The following SGCD variants were observed in gnomAD, a reference collection of about 807,000 sequenced individuals.
The protein encoded by SGCD is delta-sarcoglycan.
In SGCD, 18 loss-of-function variants were observed where a neutral mutation model predicts 36.6. The ratio of observed to expected loss-of-function variants is 0.49; its 90% CI spans 0.34 to 0.73. SGCD has a LOEUF of 0.73. Ranked by LOEUF, SGCD falls within the 30% of genes least tolerant of loss-of-function variation. SGCD has a pLI of 0.01. For missense variants in SGCD, 387 were observed against 346.7 expected (o/e 1.12, Z -0.92); for synonymous variants, 133 against 130.6 (o/e 1.02, Z -0.12).
chr5:155,968,338 C>A (rs73810379), intron 1 of SGCD, among the ~76,000 whole-genome samples: 1 of 152,022 alleles, frequency 6.6e-6, no homozygotes, highest in African/African-American at 2.4e-5. Flanking sequence ...AGATACTTAT[C>A]GTTTTAGTCA....
chr5:156,071,690 A>G (rs867361914), intron 1 of SGCD, among the ~76,000 whole-genome samples: 35 of 152,176 alleles, frequency 2.3e-4, no homozygotes, highest in African/African-American at 6.3e-4. Flanking sequence ...TATCCTTGTT[A>G]ACTTTCTGTC....
At chr5:156,087,091 G>A (rs1202027800) in intron 1 of SGCD, among the ~76,000 whole-genome samples, 2 of 152,184 alleles carry the variant, frequency 1.3e-5, no homozygotes, top group Non-Finnish European at 2.9e-5. Context: ...AACAGTAGTA[G>A]GATCCACAGC....
At chr5:156,010,004 T>C (rs1339657639) in intron 1 of SGCD, among the ~76,000 whole-genome samples, 2 of 152,230 alleles carry the variant, frequency 1.3e-5, no homozygotes, top group African/African-American at 4.8e-5. Flanking sequence ...GATCTTGCTT[T>C]GCTCAAGTTC....
chr5:156,224,241 C>A (rs547569415), intron 3 of SGCD, among the ~76,000 whole-genome samples: 2 of 151,920 alleles, frequency 1.3e-5, no homozygotes, highest in Non-Finnish European at 2.9e-5. Flanking sequence ...AGTATTCAGT[C>A]CTATTCTCTC....
At chr5:155,972,559 G>T (rs1006653657) in intron 1 of SGCD, among the ~76,000 whole-genome samples, 1 of 152,134 alleles carries the variant, frequency 6.6e-6, no homozygotes, top group African/African-American at 2.4e-5. Flanking sequence ...GTTAGTAAAT[G>T]TTCATGATAT....
intron 3 of SGCD, among the ~76,000 whole-genome samples, chr5:156,291,957 C>T (rs377210820): frequency 2.4e-4 from 37 of 152,174 alleles, no homozygotes; most frequent in Middle Eastern, 3.4e-3. Context: ...CTTATTCCTT[C>T]TGTTTAACTG....
At chr5:155,864,516 C>CT in the SGCD span, among the ~76,000 whole-genome samples, 1 of 151,844 alleles carries the variant, frequency 6.6e-6, no homozygotes, top group African/African-American at 2.4e-5. Context: ...AAAAGGAGGG[C>CT]TAGGTTATTG....
At chr5:156,422,797 T>C (rs1773378878) in intron 3 of SGCD, among the ~76,000 whole-genome samples, 1 of 151,990 alleles carries the variant, frequency 6.6e-6, no homozygotes. Flanking sequence ...ATAACCAAAA[T>C]TGTCTTCAGA....
At chr5:156,581,810 T>C (rs1046494933) in intron 4 of SGCD, among the ~76,000 whole-genome samples, 3 of 152,204 alleles carry the variant, frequency 2.0e-5, no homozygotes, top group African/African-American at 7.2e-5. Context: ...GGTCCTGTTT[T>C]TCCAGGTACC....
At chr5:156,375,410 T>C (rs918765156) in intron 3 of SGCD, among the ~76,000 whole-genome samples, 8 of 149,330 alleles carry the variant, frequency 5.4e-5, no homozygotes, top group Non-Finnish European at 1.2e-4. Context: ...TTTTTTTTTT[T>C]TTTTTTTAAA....
chr5:156,178,071 A>G (rs1205972467), intron 3 of SGCD, among the ~76,000 whole-genome samples: 1 of 152,216 alleles, frequency 6.6e-6, no homozygotes, highest in Non-Finnish European at 1.5e-5. Context: ...GAATGATCTA[A>G]CAGAAAGCCT....
chr5:155,734,301 G>C, the SGCD span, among the ~76,000 whole-genome samples: 1 of 151,486 alleles, frequency 6.6e-6, no homozygotes, highest in Admixed American at 6.6e-5. Context: ...CACCTCCTGG[G>C]TCAAACCATC....
At chr5:156,269,469 C>CAAAAAAAAAA (rs60893052) in intron 3 of SGCD, among the ~76,000 whole-genome samples, 3 of 30,474 alleles carry the variant, frequency 9.8e-5, no homozygotes, top group Non-Finnish European at 1.2e-4. Context: ...GACTCCGTCT[C>CAAAAAAAAAA]AAAAAAAAAA....
upstream of SGCD, among the ~76,000 whole-genome samples, chr5:156,323,986 G>A (rs148275162): frequency 6.6e-5 from 10 of 152,254 alleles, no homozygotes; most frequent in East Asian, 1.3e-3. Context: ...ATTATTTCAC[G>A]TAATCCTCAT....
At chr5:156,584,118 T>G (rs1210031330) in intron 4 of SGCD, among the ~76,000 whole-genome samples, 1 of 152,226 alleles carries the variant, frequency 6.6e-6, no homozygotes, top group East Asian at 1.9e-4. Context: ...ATGGGCAATA[T>G]TAAATTTTTC....
chr5:156,240,707 G>T (rs1765284783), intron 3 of SGCD, among the ~76,000 whole-genome samples: 1 of 152,028 alleles, frequency 6.6e-6, no homozygotes, highest in Admixed American at 6.5e-5. Flanking sequence ...AAAAAAAAAT[G>T]GGCCATATGT....
chr5:155,980,197 A>G (rs1758197274), intron 1 of SGCD, among the ~76,000 whole-genome samples: 1 of 152,062 alleles, frequency 6.6e-6, no homozygotes, highest in Non-Finnish European at 1.5e-5. Flanking sequence ...TTTATAAAGC[A>G]CTTGTTTATG....
intron 1 of SGCD, among the ~76,000 whole-genome samples, chr5:156,020,036 G>A (rs372722734): frequency 9.2e-5 from 14 of 152,064 alleles, no homozygotes; most frequent in African/African-American, 1.4e-4. Flanking sequence ...CCTCTGCCTC[G>A]AATTCCCTTC....
chr5:155,757,198 A>G, the SGCD span, among the ~76,000 whole-genome samples: 1 of 152,212 alleles, frequency 6.6e-6, no homozygotes, highest in Non-Finnish European at 1.5e-5. Context: ...GATAGAGTTT[A>G]TAGAATAATA....
Sources: gnomAD v4.1 joint callset for allele counts (sites outside exome capture counted in the v4.1 genomes callset) on GRCh38, gnomAD v4.1.1 for gene constraint, MANE v1.5 for transcripts, NCBI Gene and HGNC (gene_info 2026-07-23, HGNC 2026-07-21) for gene names.